The following SALL4 variants were observed in gnomAD, a reference collection of about 807,000 sequenced individuals.
SALL4 encodes the protein sal-like protein 4.
A neutral mutation model predicts 60.8 loss-of-function variants in SALL4; 4 were observed. That is an observed-to-expected ratio of 0.07 (90% confidence interval 0.03 to 0.15). SALL4 has a LOEUF of 0.15. Among genes scored for constraint, SALL4 ranks in the 10% least tolerant of loss-of-function variants. The pLI is 1.00. For missense variants in SALL4, 1,178 were observed against 1,394.7 expected, an observed-to-expected ratio of 0.84 and a Z score of 2.48; for synonymous variants, 580 against 574.9, an observed-to-expected ratio of 1.01 and a Z score of -0.13.
At chr20:51,795,004 C>T (rs6021441) in intron 1 of SALL4, among the ~76,000 whole-genome samples, 55,519 of 151,940 alleles carry the variant, frequency 0.37, 10,660 homozygotes, top group African/African-American at 0.48. Flanking sequence ...ATTCCTGTCT[C>T]ATTTCTAGGA....
Position 51,801,218 on chromosome 20 carries a change from C to G in SALL4, c.130+1061G>C, listed in dbSNP as rs1056145371. 6.6e-6 allele frequency among the ~76,000 whole-genome samples: 1 copy of G among 152,196 alleles called. No homozygotes were observed. Among genetic ancestry groups the G allele is most frequent in the African/African-American group, 2.4e-5 (1 of 41,466 alleles). ...GAAAACCGCCTCGCTCCTAAAACCT[C>G]CGCGGTGAAGTGATGAAGTGGGAAC... On this transcript the variant is annotated intron_variant, in intron 1 of 3. Transcript: ENST00000217086. This position sits in a 1 kb window ranked among gnomAD's most constrained non-coding sequence, Gnocchi z 5.2.
Position 51,790,839 on chromosome 20 carries a change from G to A in SALL4, c.1644C>T (p.Thr548=), listed in dbSNP as rs753867263. The change falls in exon 2 of 4, where the codon ACC becomes ACT. Residue 548 remains threonine (T), a synonymous_variant. Transcript: ENST00000217086. This position sits in a 1 kb window ranked among gnomAD's most constrained non-coding sequence, Gnocchi z 5.5. ...TCTCCACCAACTGCTGCAATTTCAG[G>A]GTCTCTGACCCTGGCTCAGGGGTCC... ...GSGTPEPGSE[T]LKLQQLVENI... 5 of 1,613,966 alleles carry A rather than the reference G, an allele frequency of 3.1e-6. No individual in the cohort carries two copies. Among genetic ancestry groups the A allele is most frequent in the Non-Finnish European group, 4.2e-6 (5 of 1,180,030 alleles).
chr20:51,798,547 A>G (rs2078092289), intron 1 of SALL4, among the ~76,000 whole-genome samples: 1 of 151,950 alleles, frequency 6.6e-6, no homozygotes, highest in Admixed American at 6.6e-5. Flanking sequence ...TTTAAAAAAT[A>G]GTCAAAAGTA....
At chr20:51,799,090 T>A (rs1015527844) in intron 1 of SALL4, among the ~76,000 whole-genome samples, 4 of 152,180 alleles carry the variant, frequency 2.6e-5, no homozygotes, top group Non-Finnish European at 5.9e-5. Context: ...ACACTGCCAT[T>A]TCTGCTAGAT....
At chr20:51,800,379 G>A (rs2078102275) in intron 1 of SALL4, among the ~76,000 whole-genome samples, 1 of 152,212 alleles carries the variant, frequency 6.6e-6, no homozygotes, top group African/African-American at 2.4e-5. Context: ...GACAACCCTG[G>A]TGATCAATAG....
chr20:51,797,326 T>G (rs1009757678), intron 1 of SALL4: 1 of 152,118 alleles, frequency 6.6e-6, no homozygotes, highest in Admixed American at 6.6e-5. Flanking sequence ...TCTATGTATT[T>G]TATACACTAT....
rs1389986150 is a variant in SALL4 at position 51,788,560 on chromosome 20, G to A, written c.2742+301C>T. On this transcript the variant is annotated intron_variant, in intron 3 of 3. Coordinates refer to ENST00000217086, the MANE Select transcript of SALL4 (RefSeq NM_020436.5). The surrounding 1 kb of genome is among the most constrained non-coding windows in gnomAD (Gnocchi z 4.1). ...AAAAAAATTAGCCGGCCATGGTGGC[G>A]GACGCCTGTAGTCCCAGCTACTCAG... 2.0e-5 allele frequency among the ~76,000 whole-genome samples: 3 copies of A among 152,058 alleles called. No individual in the cohort carries two copies. Among genetic ancestry groups the A allele is most frequent in the Non-Finnish European group, 4.4e-5 (3 of 68,014 alleles).
intron 1 of SALL4, among the ~76,000 whole-genome samples, chr20:51,793,664 A>G (rs940356758): frequency 2.6e-5 from 4 of 152,134 alleles, no homozygotes; most frequent in African/African-American, 9.7e-5. Context: ...CCTGGGTGCA[A>G]GTGATCCGTC....
Position 51,788,323 on chromosome 20 carries a change from T to TTG in SALL4, c.2742+536_2742+537dup, listed in dbSNP as rs3030173. The stretch of plus-strand genomic sequence containing the variant: ...GCATGCAACACCATGCCCAACTAAT[T>TTG]TGTGTGTGTGTGTGTGTGTGTGTGT... On this transcript the variant is annotated intron_variant, in intron 3 of 3. Coordinates refer to ENST00000217086, the MANE Select transcript of SALL4 (RefSeq NM_020436.5). This position sits in a 1 kb window ranked among gnomAD's most constrained non-coding sequence, Gnocchi z 4.1. Among the ~76,000 whole-genome samples, 10,146 of 141,808 alleles carry TTG rather than the reference T, an allele frequency of 0.072. 377 individuals carry two copies. Among genetic ancestry groups the TTG allele is most frequent in the East Asian group, 0.18 (817 of 4,574 alleles). 93.0% of individuals were successfully genotyped at this position (141,808 alleles called of 152,430 possible).
At position 51,788,951 on chromosome 20, in the gene SALL4, A is replaced by G. The variant is rs747800359; in HGVS notation, c.2652T>C (p.Ala884=). ...RCGKNFSSAS[A]LQIHERTHTG... ...TGTGAGTCCGCTCGTGGATCTGAAG[A>G]GCGCTAGCAGACGAGAAGTTCTTCC... Residue 884 remains alanine, a synonymous_variant, in exon 3 of 4, where the codon GCT becomes GCC. Coordinates refer to ENST00000217086, the MANE Select transcript of SALL4 (RefSeq NM_020436.5). The surrounding 1 kb of genome is among the most constrained non-coding windows in gnomAD (Gnocchi z 4.1). The G allele has an allele frequency of 3.7e-5, 60 of 1,614,224 alleles. No homozygotes were observed. Among genetic ancestry groups the G allele is most frequent in the Non-Finnish European group, 5.1e-5 (60 of 1,180,034 alleles).
In SALL4 at chr20:51,790,117, G is replaced by C; in HGVS notation, c.2366C>G (p.Ser789Cys). Reference protein sequence around the residue: ...ILETTSFQALSPANSQAESIK... With the variant: ...ILETTSFQALCPANSQAESIK... ...GCTTTCGGCTTGACTATTGGCCGGG[G>C]AGAGTGCCTGGAAGGATGTGGTTTC... Residue 789 changes from serine (S) to cysteine (C), a missense_variant, in exon 2 of 4, where the codon TCC becomes TGC. Around this residue, in one of 5 missense-constraint regions of SALL4, gnomAD observed 853 missense variants for 1,036.8 expected, o/e 0.82. Transcript: ENST00000217086. This position sits in a 1 kb window ranked among gnomAD's most constrained non-coding sequence, Gnocchi z 5.5. 6.2e-7 allele frequency: 1 copy of C among 1,614,184 alleles called. No homozygotes were observed. Among genetic ancestry groups the C allele is most frequent in the Non-Finnish European group, 8.5e-7 (1 of 1,180,040 alleles).
At chr20:51,800,538 A>C (rs2078103322) in intron 1 of SALL4, among the ~76,000 whole-genome samples, 2 of 152,168 alleles carry the variant, frequency 1.3e-5, no homozygotes, top group South Asian at 2.1e-4. Context: ...AAGGTGCCAA[A>C]CACCACCAAA....
chr20:51,791,662 A>G lies in SALL4; in HGVS notation c.821T>C (p.Leu274Ser), dbSNP rs763192201. 4.3e-6 allele frequency: 7 copies of G among 1,614,040 alleles called. No homozygotes were observed. Among genetic ancestry groups the G allele is most frequent in the African/African-American group, 1.3e-5 (1 of 74,942 alleles). Residue 274 changes from leucine to serine, a missense_variant, in exon 2 of 4, where the codon TTG becomes TCG. Transcript: ENST00000217086. The surrounding 1 kb of genome is among the most constrained non-coding windows in gnomAD (Gnocchi z 4.6). ...MSQQVSAAVA[L>S]LSQKAGSQGL... ...TTGGCTTCCAGCTTTCTGGCTGAGC[A>G]AAGCCACAGCTGCAGAAACCTGCTG...
chr20:51,787,017 C>T (rs1346258994), intron 3 of SALL4, among the ~76,000 whole-genome samples: 2 of 152,104 alleles, frequency 1.3e-5, no homozygotes, highest in Non-Finnish European at 2.9e-5. Context: ...ATCGCTTGAA[C>T]CCAGGAGGCG....
At chr20:51,796,196 C>CAAAAAAAA (rs11474910) in intron 1 of SALL4, among the ~76,000 whole-genome samples, 4 of 90,542 alleles carry the variant, frequency 4.4e-5, no homozygotes, top group Non-Finnish European at 6.4e-5. Flanking sequence ...AAGACTGTCT[C>CAAAAAAAA]AAAAAAAAAA....
Position 51,791,522 on chromosome 20 carries a change from G to C in SALL4, c.961C>G (p.Arg321Gly), listed in dbSNP as rs143984107. The change falls in exon 2 of 4, where the codon CGG becomes GGG. Residue 321 changes from arginine to glycine, a missense_variant. By Grantham distance (125) the Arg-to-Gly change is moderately radical (BLOSUM62 -2). This residue lies in a region of SALL4 where 853 missense variants were observed against 1,036.8 expected (regional missense o/e 0.82). Coordinates refer to ENST00000217086, the MANE Select transcript of SALL4 (RefSeq NM_020436.5). The surrounding 1 kb of genome is among the most constrained non-coding windows in gnomAD (Gnocchi z 4.6). ...APFTLKPDGTRVLPNVMSRLP... is the reference protein window; with the variant it reads ...APFTLKPDGTGVLPNVMSRLP... Reference sequence around the variant, plus strand: ...CGGGACATGACGTTCGGGAGCACCCGGGTCCCATCCGGCTTCAGAGTGAAG... The same window carrying C: ...CGGGACATGACGTTCGGGAGCACCCCGGTCCCATCCGGCTTCAGAGTGAAG... 2 of 1,613,930 alleles carry C rather than the reference G, an allele frequency of 1.2e-6. No individual in the cohort carries two copies. The highest frequency in any genetic ancestry group is 1.7e-5 in the Admixed American group (1 of 60,016).
At position 51,791,723 on chromosome 20, in the gene SALL4, C is replaced by T. The variant is rs1449285185; in HGVS notation, c.760G>A (p.Ala254Thr). 1.9e-6 allele frequency: 3 copies of T among 1,614,104 alleles called. No individual in the cohort carries two copies. The highest frequency in any genetic ancestry group is 2.5e-6 in the Non-Finnish European group (3 of 1,180,040). ...CTGCCCAAGGTCTTCAGAGTGTCGG[C>T]CCCTGCCCCGCTTGAGTGGAGGGCG... is the stretch of plus-strand genomic sequence containing the variant. ...SHALHSSGAG[A>T]DTLKTLGSHM... Residue 254 changes from alanine (A) to threonine (T), a missense_variant, in exon 2 of 4, where the codon GCC (alanine) becomes ACC (threonine). Around this residue, in one of 5 missense-constraint regions of SALL4, gnomAD observed 853 missense variants for 1,036.8 expected, o/e 0.82. Transcript: ENST00000217086. This position sits in a 1 kb window ranked among gnomAD's most constrained non-coding sequence, Gnocchi z 4.6.
chr20:51,793,011 G>T, intron 1 of SALL4: 1 of 979,074 alleles, frequency 1.0e-6, no homozygotes, highest in Non-Finnish European at 1.2e-6. Context: ...ATTCACACGA[G>T]CATACAATGA....
In SALL4 at chr20:51,789,070, A is replaced by G. The variant is rs2122959793; in HGVS notation, c.2533T>C (p.Phe845Leu). 1 of 1,614,204 alleles carries G rather than the reference A, an allele frequency of 6.2e-7. No homozygotes were observed. Among genetic ancestry groups the G allele is most frequent in the East Asian group, 2.2e-5 (1 of 44,884 alleles). Residue 845 changes from phenylalanine to leucine, a missense_variant, in exon 3 of 4, where the codon TTT becomes CTT. Phe to Leu is a conservative substitution (Grantham distance 22). Transcript: ENST00000217086. ...GGGGACAATGTCGAGGGTCCCACAA[A>G]TGTGCCAGGAACTTCAACCTTGACA... The part of the protein sequence containing the change: ...TYVKVEVPGT[F>L]VGPSTLSPGM...
Sources: gnomAD v4.1 joint callset for allele counts (sites outside exome capture counted in the v4.1 genomes callset) on GRCh38, gnomAD v4.1.1 for gene constraint, gnomAD v4.1.1 regional missense constraint, Gnocchi (gnomAD v3.1) non-coding constraint, MANE v1.5 for transcripts, NCBI Gene and HGNC (gene_info 2026-07-23, HGNC 2026-07-21) for gene names.